The following PCSK2 variants were observed in gnomAD, a reference collection of about 807,000 sequenced individuals.
PCSK2 encodes proprotein convertase subtilisin/kexin type 2.
PCSK2 carries 14 observed loss-of-function variants against 69.7 expected under a neutral mutation model. The ratio of observed to expected loss-of-function variants is 0.20; its 90% CI spans 0.13 to 0.31. The LOEUF (loss-of-function observed/expected upper bound fraction) is 0.31. Ranked by LOEUF, PCSK2 falls within the 10% of genes least tolerant of loss-of-function variation. PCSK2 has a pLI of 1.00. For missense variants in PCSK2, 544 were observed against 842.5 expected (o/e 0.65, Z 4.39); for synonymous variants, 307 against 320.7 (o/e 0.96, Z 0.46).
intron 2 of PCSK2, among the ~76,000 whole-genome samples, chr20:17,314,724 AT>A (rs1244078871): frequency 6.6e-6 from 1 of 152,160 alleles, no homozygotes; most frequent in Non-Finnish European, 1.5e-5. Context: ...GATTTACTTT[AT>A]TGATTTTTTA....
At chr20:17,379,782 G>A (rs1038937002) in intron 5 of PCSK2, among the ~76,000 whole-genome samples, 6 of 152,258 alleles carry the variant, frequency 3.9e-5, no homozygotes, top group South Asian at 2.1e-4. Flanking sequence ...TCATCAAGGC[G>A]CCTAATCAGT....
chr20:17,398,011 C>A (rs548831464), intron 5 of PCSK2, among the ~76,000 whole-genome samples: 14 of 152,224 alleles, frequency 9.2e-5, no homozygotes, highest in Middle Eastern at 3.4e-3. Flanking sequence ...GTTTCAATGC[C>A]CATTCTCTTC....
At chr20:17,465,729 C>T (rs1309733695) in intron 11 of PCSK2, among the ~76,000 whole-genome samples, 176 bp downstream of exon 11, 1 of 152,082 alleles carries the variant, frequency 6.6e-6, no homozygotes, top group Non-Finnish European at 1.5e-5. Flanking sequence ...AGTGCAGTGG[C>T]GTGATCACAG....
chr20:17,338,180 G>GTT (rs1990410752), intron 2 of PCSK2, among the ~76,000 whole-genome samples: 1 of 140,906 alleles, frequency 7.1e-6, no homozygotes, highest in Non-Finnish European at 1.5e-5. Context: ...TTGGGGGGGG[G>GTT]GGTTGTGTTT....
At chr20:17,471,586 G>A (rs1194970417) in intron 11 of PCSK2, among the ~76,000 whole-genome samples, 2 of 152,252 alleles carry the variant, frequency 1.3e-5, no homozygotes, top group Non-Finnish European at 2.9e-5. Flanking sequence ...GCTGGCAATA[G>A]GACCGGCGGG....
intron 8 of PCSK2, among the ~76,000 whole-genome samples, chr20:17,442,890 C>T (rs1218293604): frequency 1.3e-5 from 2 of 152,206 alleles, no homozygotes; most frequent in African/African-American, 4.8e-5. Flanking sequence ...TGTGTTCTCC[C>T]TGCAAGTAAC....
intron 5 of PCSK2, among the ~76,000 whole-genome samples, chr20:17,393,474 G>T (rs1262674154): frequency 6.6e-6 from 1 of 151,952 alleles, no homozygotes; most frequent in Non-Finnish European, 1.5e-5. Flanking sequence ...AAAAAAGTTA[G>T]AATTATCATA....
chr20:17,436,633 A>G, intron 7 of PCSK2, 75 bp from the exon 8 acceptor site: 2 of 1,320,692 alleles, frequency 1.5e-6, no homozygotes, highest in South Asian at 1.3e-5. Flanking sequence ...CCAGGGCCCA[A>G]GCCCTCCTCC....
chr20:17,341,923 G>A (rs1990520844), intron 2 of PCSK2, among the ~76,000 whole-genome samples: 1 of 152,066 alleles, frequency 6.6e-6, no homozygotes, highest in Non-Finnish European at 1.5e-5. Context: ...ATGCATTTTT[G>A]CATCTTTCCA....
intron 5 of PCSK2, among the ~76,000 whole-genome samples, chr20:17,408,267 G>C (rs1039944986): frequency 2.0e-5 from 3 of 152,026 alleles, no homozygotes; most frequent in Non-Finnish European, 4.4e-5. Flanking sequence ...GAACTTGAGA[G>C]AGAGCAGCTT....
Position 17,227,216 on chromosome 20 carries a change from A to C in PCSK2, c.-90A>C. On this transcript the variant is annotated 5_prime_UTR_variant, in exon 1 of 12. Coordinates refer to ENST00000262545, the MANE Select transcript of PCSK2 (RefSeq NM_002594.5). ...ACAAAGATTTTTTTAAAAACTATAT[A>C]TAAGAATTCTTTATTTGCACCCTCC... 2.3e-6 allele frequency: 2 copies of C among 851,608 alleles called. No homozygotes were observed. Among genetic ancestry groups the C allele is most frequent in the Non-Finnish European group, 3.8e-6 (2 of 523,612 alleles). The allele number at this position is 851,608 out of a possible 1,614,324, so 52.8% of individuals were successfully genotyped here. A position where few individuals can be genotyped will look rare whatever the true frequency, so the allele number is the denominator to read the frequency against.
intron 2 of PCSK2, among the ~76,000 whole-genome samples, chr20:17,325,914 C>A (rs1291016200): frequency 6.6e-6 from 1 of 152,300 alleles, no homozygotes; most frequent in East Asian, 1.9e-4. Context: ...CTCAAGCCAC[C>A]AGTGGGCTAG....
intron 2 of PCSK2, among the ~76,000 whole-genome samples, chr20:17,281,952 A>G (rs944894179): frequency 6.6e-6 from 1 of 151,252 alleles, no homozygotes; most frequent in African/African-American, 2.4e-5. Context: ...GCCCTTAGGT[A>G]CCTCCCCTTC....
chr20:17,388,583 C>A (rs984248351), intron 5 of PCSK2, among the ~76,000 whole-genome samples: 1 of 152,002 alleles, frequency 6.6e-6, no homozygotes, highest in Non-Finnish European at 1.5e-5. Flanking sequence ...CAGACAAAAA[C>A]ACAATCACTT....
At chr20:17,423,171 C>T (rs2032169638) in intron 6 of PCSK2, among the ~76,000 whole-genome samples, 1 of 152,114 alleles carries the variant, frequency 6.6e-6, no homozygotes, top group Non-Finnish European at 1.5e-5. Context: ...GTGGTTGAGT[C>T]AGAGCTTGAT....
At chr20:17,351,581 A>G (rs1360828220) in intron 2 of PCSK2, among the ~76,000 whole-genome samples, 1 of 152,248 alleles carries the variant, frequency 6.6e-6, no homozygotes. Context: ...CATAAAGAGA[A>G]TGAAAAACAA....
At chr20:17,290,781 G>A (rs1988669146) in intron 2 of PCSK2, among the ~76,000 whole-genome samples, 1 of 152,124 alleles carries the variant, frequency 6.6e-6, no homozygotes, top group African/African-American at 2.4e-5. Context: ...AGTTTATTTG[G>A]CCTACAGCTC....
chr20:17,409,315 G>A lies in PCSK2; in HGVS notation c.596G>A (p.Arg199Gln), dbSNP rs578246020. 1 of 1,613,606 alleles carries A rather than the reference G, an allele frequency of 6.2e-7. No homozygotes were observed. Among genetic ancestry groups the A allele is most frequent in the East Asian group, 2.2e-5 (1 of 44,860 alleles). The change falls in exon 6 of 12, where the codon CGG becomes CAG. Residue 199 changes from arginine to glutamine, a missense_variant. Arg to Gln is a conservative substitution (Grantham distance 43). Transcript: ENST00000262545. ...FSSNDPYPYP[R>Q]YTDDWFNSHG... is the part of the protein sequence containing the mutation. ...AGCAACGACCCCTATCCTTACCCTCGGTACACAGATGACTGGTTTAACAGG... is the reference window on the plus strand; with the variant it reads ...AGCAACGACCCCTATCCTTACCCTCAGTACACAGATGACTGGTTTAACAGG...
intron 2 of PCSK2, among the ~76,000 whole-genome samples, chr20:17,352,731 C>G (rs534273513): frequency 6.6e-6 from 1 of 152,200 alleles, no homozygotes; most frequent in South Asian, 2.1e-4. Flanking sequence ...AGTAAGACAT[C>G]AAACAATAAA....
Sources: allele counts gnomAD v4.1 joint callset (sites outside exome capture counted in the v4.1 genomes callset), GRCh38; gene constraint gnomAD v4.1.1; transcripts MANE v1.5; gene names NCBI Gene and HGNC (gene_info 2026-07-23, HGNC 2026-07-21).